The following DGLUCY variants were observed in gnomAD, a reference collection of about 807,000 sequenced individuals.
DGLUCY encodes D-glutamate cyclase.
In DGLUCY, 58 loss-of-function variants were observed where a neutral mutation model predicts 58.5. The observed-to-expected ratio is 0.99, with a 90% CI of 0.80 to 1.23. The LOEUF is 1.23. DGLUCY is among the 50% of genes most tolerant of loss of function. The pLI, the probability that DGLUCY is intolerant of heterozygous loss-of-function variation, is 0.00. For synonymous variants in DGLUCY, 325 were observed against 314.1 expected (o/e 1.03, Z -0.37); for missense variants, 779 against 784.7 (o/e 0.99, Z 0.09).
At chr14:91,207,959 G>T (rs1160103424) in intron 12 of DGLUCY, among the ~76,000 whole-genome samples, 1 of 152,064 alleles carries the variant, frequency 6.6e-6, no homozygotes, top group Non-Finnish European at 1.5e-5. Flanking sequence ...TGTTGGTCAG[G>T]CTGGTCTCAA....
chr14:91,214,755 C>G (rs949678646), intron 12 of DGLUCY, among the ~76,000 whole-genome samples: 2 of 152,122 alleles, frequency 1.3e-5, no homozygotes, highest in African/African-American at 4.8e-5. Flanking sequence ...GAGACTGAGG[C>G]AGGGGGATCA....
chr14:91,154,162 T>C (rs931434850), intron 1 of DGLUCY, among the ~76,000 whole-genome samples: 1 of 152,208 alleles, frequency 6.6e-6, no homozygotes, highest in Non-Finnish European at 1.5e-5. Flanking sequence ...CAACTTGGCC[T>C]CCCAAAGTGC....
At chr14:91,112,044 C>T (rs1052873093), upstream of DGLUCY, among the ~76,000 whole-genome samples, 1 of 151,622 alleles carries the variant, frequency 6.6e-6, no homozygotes, top group African/African-American at 2.4e-5. Flanking sequence ...TCGAGACCAG[C>T]CTGACCAGCG....
intron 1 of DGLUCY, among the ~76,000 whole-genome samples, chr14:91,074,114 T>TAC (rs1326685656): frequency 0.023 from 1,476 of 64,332 alleles, 18 homozygotes; most frequent in African/African-American, 0.041. Flanking sequence ...AATATATATA[T>TAC]ATATACACAC....
intron 1 of DGLUCY, among the ~76,000 whole-genome samples, chr14:91,121,218 T>C (rs1050341389): frequency 2.0e-5 from 3 of 152,184 alleles, no homozygotes; most frequent in African/African-American, 7.2e-5. Context: ...CATTAGCAGC[T>C]CCAGTGCTTA....
upstream of DGLUCY, among the ~76,000 whole-genome samples, chr14:91,107,149 CCTTT>C (rs2044606864): frequency 6.6e-6 from 1 of 152,132 alleles, no homozygotes. Flanking sequence ...CATTTGGCTG[CCTTT>C]CTAAGTAATC....
intron 1 of DGLUCY, among the ~76,000 whole-genome samples, chr14:91,070,369 A>G (rs1418753281): frequency 6.6e-6 from 1 of 152,204 alleles, no homozygotes; most frequent in Non-Finnish European, 1.5e-5. Flanking sequence ...TCTCAGAGAC[A>G]TTCTCTCATG....
At position 91,169,870 on chromosome 14, in the gene DGLUCY, C is replaced by T. The variant is rs2140395406; in HGVS notation, c.258-133C>T. 5 of 892,450 alleles carry T rather than the reference C, an allele frequency of 5.6e-6. No individual in the cohort carries two copies. The East Asian group carries it at 9.7e-5, about 17-fold the overall frequency. The allele number at this position is 892,450 out of a possible 1,614,324, so 55.3% of individuals were successfully genotyped here. A position where few individuals can be genotyped will look rare whatever the true frequency, so the allele number is the denominator to read the frequency against. Reference sequence around the variant, plus strand: ...AAGGCCCCCTGCTGAAAACTATGCTCCCTACCCTGGTGCCAGGGCTGAAAA... The same window carrying T: ...AAGGCCCCCTGCTGAAAACTATGCTTCCTACCCTGGTGCCAGGGCTGAAAA... On this transcript the variant is annotated intron_variant, in intron 4 of 13. Transcript: ENST00000256324.
chr14:91,100,549 A>G (rs1203106787), intron 1 of DGLUCY, among the ~76,000 whole-genome samples: 2 of 152,190 alleles, frequency 1.3e-5, no homozygotes, highest in Non-Finnish European at 1.5e-5. Flanking sequence ...ATTCCATTTT[A>G]CAGGTGAGCA....
intron 1 of DGLUCY, among the ~76,000 whole-genome samples, chr14:91,132,624 G>A (rs750984518): frequency 2.6e-4 from 40 of 151,832 alleles, no homozygotes; most frequent in Non-Finnish European, 4.4e-4. Context: ...GATTACAGGC[G>A]CCCGCCACTG....
chr14:91,127,504 G>C (rs1037562355), intron 1 of DGLUCY, among the ~76,000 whole-genome samples: 15 of 152,248 alleles, frequency 9.9e-5, no homozygotes, highest in African/African-American at 3.6e-4. Context: ...GCAGCCTTCT[G>C]GCCTCTGCCC....
At chr14:91,210,340 G>T (rs1595929941) in intron 12 of DGLUCY, among the ~76,000 whole-genome samples, 1 of 152,154 alleles carries the variant, frequency 6.6e-6, no homozygotes, top group Non-Finnish European at 1.5e-5. Context: ...AGATCAGCCT[G>T]GGCAACATAA....
At chr14:91,220,916 G>T (rs1012298791) in intron 13 of DGLUCY, 4 of 349,222 alleles carry the variant, frequency 1.1e-5, no homozygotes, top group African/African-American at 8.6e-5. Context: ...TGATGCCTGG[G>T]CAGGAAAGAG....
Position 91,157,631 on chromosome 14 carries a change from CT to C in DGLUCY, c.-81-5del, listed in dbSNP as rs1197392493. ...TATATTGAAGGCATTTTTTTTTTGACTTTGCAGGAGCCAAGTTACACCCTGT... is the reference window on the plus strand; with the variant it reads ...TATATTGAAGGCATTTTTTTTTTGACTTGCAGGAGCCAAGTTACACCCTGT... On this transcript the variant is annotated splice_polypyrimidine_tract_variant and splice_region_variant and intron_variant, in intron 1 of 13. Transcript: ENST00000256324. 2.0e-5 allele frequency: 3 copies of C among 151,340 alleles called. No individual in the cohort carries two copies. The highest frequency in any genetic ancestry group is 2.9e-5 in the Non-Finnish European group (2 of 67,822). 9.4% of individuals were successfully genotyped at this position (151,340 alleles called of 1,614,324 possible).
chr14:91,111,034 C>G (rs1279940436), upstream of DGLUCY, among the ~76,000 whole-genome samples: 1 of 152,044 alleles, frequency 6.6e-6, no homozygotes, highest in South Asian at 2.1e-4. Flanking sequence ...GTTGGCTTAA[C>G]GTTTTTGTCT....
At chr14:91,108,932 G>T (rs1168543669) in intron 1 of DGLUCY, among the ~76,000 whole-genome samples, 1 of 152,138 alleles carries the variant, frequency 6.6e-6, no homozygotes, top group Non-Finnish European at 1.5e-5. Context: ...GGACCGGAGA[G>T]CAAGGACCTG....
intron 11 of DGLUCY, among the ~76,000 whole-genome samples, chr14:91,203,970 C>A (rs1415694602): frequency 6.6e-6 from 1 of 152,198 alleles, no homozygotes; most frequent in Admixed American, 6.5e-5. Context: ...AGCCACTGCA[C>A]CCAGACTAGA....
chr14:91,189,054 C>T lies in DGLUCY; in HGVS notation c.1079C>T (p.Pro360Leu), dbSNP rs1208197623. Residue 360 changes from proline (P) to leucine (L), a missense_variant, in exon 9 of 14, where the codon CCA (proline) becomes CTA (leucine). By Grantham distance (98) the Pro-to-Leu change is moderately conservative (BLOSUM62 -3). Coordinates refer to ENST00000256324, the MANE Select transcript of DGLUCY (RefSeq NM_001102368.3). ...HEPPEETDGP[P>L]GAVALVAFLQ... ...CCTCCAGAAGAGACAGATGGCCCACCAGGAGCTGTTGCTCTGGTTGCCTTC... is the reference window on the plus strand; with the variant it reads ...CCTCCAGAAGAGACAGATGGCCCACTAGGAGCTGTTGCTCTGGTTGCCTTC... The T allele has an allele frequency of 6.2e-7, 1 of 1,614,154 alleles. No homozygotes were observed. Among genetic ancestry groups the T allele is most frequent in the Non-Finnish European group, 8.5e-7 (1 of 1,180,032 alleles).
At chr14:91,158,079 C>T (rs1179887870) in intron 2 of DGLUCY, among the ~76,000 whole-genome samples, 1 of 152,198 alleles carries the variant, frequency 6.6e-6, no homozygotes, top group Non-Finnish European at 1.5e-5. Flanking sequence ...GAAAGCTTCT[C>T]TCTTTGGCCT....
Sources: gnomAD v4.1 joint callset for allele counts (sites outside exome capture counted in the v4.1 genomes callset) on GRCh38, gnomAD v4.1.1 for gene constraint, MANE v1.5 for transcripts, NCBI Gene and HGNC (gene_info 2026-07-23, HGNC 2026-07-21) for gene names.